Variants in PLCB4 observed in about 807,000 individuals in gnomAD.
PLCB4 encodes 1-phosphatidylinositol 4,5-bisphosphate phosphodiesterase beta-4.
A neutral mutation model predicts 178.8 loss-of-function variants in PLCB4; 77 were observed. The observed-to-expected ratio is 0.43, with a 90% CI of 0.36 to 0.52. The LOEUF is 0.52. Ranked by LOEUF, PLCB4 falls within the 20% of genes least tolerant of loss-of-function variation. The probability of loss-of-function intolerance (pLI) is 0.00; values close to 1 mark genes in which losing one functional copy is unlikely to be tolerated. For synonymous variants in PLCB4, 496 were observed against 490.8 expected (o/e 1.01, Z -0.14); for missense variants, 1,024 against 1,453.4 (o/e 0.70, Z 4.80).
At chr20:9,193,173 C>T (rs936916832) in intron 2 of PLCB4, among the ~76,000 whole-genome samples, 8 of 152,102 alleles carry the variant, frequency 5.3e-5, no homozygotes, top group Non-Finnish European at 7.3e-5. Context: ...GTGAAGCAGA[C>T]GCCATGACAA....
intron 27 of PLCB4, among the ~76,000 whole-genome samples, chr20:9,422,093 C>T (rs2040685177): frequency 6.6e-6 from 1 of 152,208 alleles, no homozygotes; most frequent in Non-Finnish European, 1.5e-5. Context: ...AAAATCCGCA[C>T]ACCGGCAGTG....
intron 29 of PLCB4, among the ~76,000 whole-genome samples, chr20:9,435,850 T>G (rs1375348513): frequency 6.6e-6 from 1 of 152,216 alleles, no homozygotes. Flanking sequence ...AAAATCCACT[T>G]CATCATCAGT....
At chr20:9,420,906 C>A (rs960235551) in intron 26 of PLCB4, among the ~76,000 whole-genome samples, 2 of 152,094 alleles carry the variant, frequency 1.3e-5, no homozygotes, top group Non-Finnish European at 2.9e-5. Context: ...TAAAAGAATT[C>A]ATTAATAAGT....
chr20:9,271,634 G>A (rs976278258), intron 3 of PLCB4, among the ~76,000 whole-genome samples: 1 of 152,028 alleles, frequency 6.6e-6, no homozygotes, highest in Non-Finnish European at 1.5e-5. Flanking sequence ...AAATGTTTCC[G>A]AACAATGTGA....
chr20:9,440,483 A>T (rs561997664), intron 30 of PLCB4, among the ~76,000 whole-genome samples: 1 of 152,362 alleles, frequency 6.6e-6, no homozygotes, highest in East Asian at 1.9e-4. Context: ...TACTGAATGC[A>T]TATCACTTTT....
intron 19 of PLCB4, among the ~76,000 whole-genome samples, chr20:9,399,200 A>G (rs1192232773): frequency 6.6e-6 from 1 of 152,176 alleles, no homozygotes; most frequent in Admixed American, 6.5e-5. Context: ...TTATTCCAAA[A>G]TATACTTGAG....
intron 3 of PLCB4, among the ~76,000 whole-genome samples, chr20:9,233,487 A>G (rs1374609494): frequency 6.6e-6 from 1 of 152,156 alleles, no homozygotes; most frequent in Admixed American, 6.6e-5. Flanking sequence ...AGTGATAAAC[A>G]TTAAGAAAAT....
At chr20:9,193,766 T>A (rs2093433860) in intron 2 of PLCB4, among the ~76,000 whole-genome samples, 1 of 152,236 alleles carries the variant, frequency 6.6e-6, no homozygotes, top group African/African-American at 2.4e-5. Flanking sequence ...TATATTTTGA[T>A]CTTTGGGAAT....
chr20:9,271,061 G>A (rs1225143317), intron 3 of PLCB4, among the ~76,000 whole-genome samples: 1 of 152,112 alleles, frequency 6.6e-6, no homozygotes, highest in East Asian at 1.9e-4. Context: ...AAAAGAAAAG[G>A]TTACAACATT....
chr20:9,439,004 T>C (rs2041949746), intron 30 of PLCB4, among the ~76,000 whole-genome samples: 1 of 152,202 alleles, frequency 6.6e-6, no homozygotes, highest in African/African-American at 2.4e-5. Context: ...AAGGAAGAGA[T>C]ATGTTCTGTC....
intron 2 of PLCB4, among the ~76,000 whole-genome samples, chr20:9,123,953 C>A (rs2092042300): frequency 6.6e-6 from 1 of 152,100 alleles, no homozygotes; most frequent in Non-Finnish European, 1.5e-5. Context: ...AAAGCAGCCA[C>A]AGGCAATACC....
chr20:9,069,882 C>A (rs1051359571), intron 1 of PLCB4, among the ~76,000 whole-genome samples: 3 of 152,078 alleles, frequency 2.0e-5, no homozygotes, highest in Admixed American at 2.0e-4. Flanking sequence ...TACAACTGCC[C>A]ACTATAGTTT....
At chr20:9,373,610 A>G (rs1247228376) in intron 12 of PLCB4, among the ~76,000 whole-genome samples, 1 of 152,238 alleles carries the variant, frequency 6.6e-6, no homozygotes, top group Non-Finnish European at 1.5e-5. Context: ...GACAACAAGC[A>G]AAACACTTGA....
intron 3 of PLCB4, among the ~76,000 whole-genome samples, chr20:9,300,688 G>T (rs1050478838): frequency 6.6e-6 from 1 of 152,112 alleles, no homozygotes; most frequent in Non-Finnish European, 1.5e-5. Context: ...AGTTTATTCT[G>T]TACTTTTCTC....
rs2093735731 is a variant in PLCB4 at position 9,216,574 on chromosome 20, A to G, written c.-78-816A>G. On this transcript the variant is annotated intron_variant, in intron 2 of 39. Transcript: ENST00000378473. ...GAGTGCAGTGGCATGATCTTTGCTC[A>G]CTGCAACCTCTGCCTCCTGGATTCA... 2.0e-5 allele frequency among the ~76,000 whole-genome samples: 3 copies of G among 151,912 alleles called. No homozygotes were observed. The South Asian group carries it at 6.2e-4, about 32-fold the overall frequency.
chr20:9,234,950 C>CTA (rs1475980651), intron 3 of PLCB4, among the ~76,000 whole-genome samples: 1 of 152,088 alleles, frequency 6.6e-6, no homozygotes, highest in East Asian at 1.9e-4. Flanking sequence ...TTTTCTCCAG[C>CTA]CAAACTCCAT....
intron 2 of PLCB4, among the ~76,000 whole-genome samples, chr20:9,203,899 T>C (rs2093583831): frequency 6.6e-6 from 1 of 151,008 alleles, no homozygotes; most frequent in Non-Finnish European, 1.5e-5. Flanking sequence ...CTGAGAACCA[T>C]GTCTGTTCCC....
chr20:9,136,772 G>T (rs2092392581), intron 2 of PLCB4, among the ~76,000 whole-genome samples: 1 of 152,052 alleles, frequency 6.6e-6, no homozygotes, highest in Non-Finnish European at 1.5e-5. Context: ...CTTTCATATG[G>T]GAAGGATAGA....
At chr20:9,135,018 G>A (rs746060165) in intron 2 of PLCB4, among the ~76,000 whole-genome samples, 1 of 151,936 alleles carries the variant, frequency 6.6e-6, no homozygotes, top group African/African-American at 2.4e-5. Context: ...TAGCTTTCAA[G>A]GCAAGAATTA....
Sources: gnomAD v4.1 joint callset for allele counts (sites outside exome capture counted in the v4.1 genomes callset) on GRCh38, gnomAD v4.1.1 for gene constraint, MANE v1.5 for transcripts, NCBI Gene and HGNC (gene_info 2026-07-23, HGNC 2026-07-21) for gene names.